GPLD1: variants seen among roughly 807,000 people sequenced by gnomAD.
GPLD1 encodes the protein phosphatidylinositol-glycan-specific phospholipase D.
GPLD1 carries 84 observed loss-of-function variants against 112.6 expected under a neutral mutation model. The ratio of observed to expected loss-of-function variants is 0.75; its 90% CI spans 0.63 to 0.89. The LOEUF (loss-of-function observed/expected upper bound fraction) is 0.89. Among genes scored for constraint, GPLD1 ranks in the 40% least tolerant of loss-of-function variants. The pLI, the probability that GPLD1 is intolerant of heterozygous loss-of-function variation, is 0.00. For missense variants in GPLD1, 1,044 were observed against 1,051.5 expected (o/e 0.99, Z 0.10); for synonymous variants, 386 against 403.8 (o/e 0.96, Z 0.53).
intron 7 of GPLD1, among the ~76,000 whole-genome samples, chr6:24,470,246 A>G (rs115247794): frequency 0.018 from 2,697 of 152,222 alleles, 53 homozygotes; most frequent in African/African-American, 0.051. Flanking sequence ...GCACCATGGA[A>G]TATCACCAAA....
rs950842884 is a variant in GPLD1, at chr6:24,428,609, G to GT, written c.*422dup. The GT allele has an allele frequency of 5.8e-5, 9 of 153,948 alleles. No individual in the cohort carries two copies. The highest frequency in any genetic ancestry group is 2.2e-4 in the African/African-American group (9 of 41,480). The allele number at this position is 153,948 out of a possible 1,614,324, so 9.5% of individuals were successfully genotyped here. ...AACAATTCTTTTTTTAAAAAAGGATGTTTTTAGGAGGAATTGTGTACAGAG... is the reference window on the plus strand; with the variant it reads ...AACAATTCTTTTTTTAAAAAAGGATGTTTTTTAGGAGGAATTGTGTACAGAG... On this transcript the variant is annotated 3_prime_UTR_variant, in exon 25 of 25. Transcript: ENST00000230036.
At chr6:24,472,531 G>C (rs749994137) in intron 7 of GPLD1, 51 bp downstream of exon 7, 2 of 1,001,598 alleles carry the variant, frequency 2.0e-6, no homozygotes, top group African/African-American at 3.2e-5. Flanking sequence ...AAAAAGTCAA[G>C]GCTCTAAATG....
intron 20 of GPLD1, among the ~76,000 whole-genome samples, chr6:24,442,193 G>A (rs1762769386): frequency 6.7e-6 from 1 of 148,908 alleles, no homozygotes; most frequent in Non-Finnish European, 1.5e-5. Context: ...TGTGATCATA[G>A]CTCACTGCAG....
Position 24,473,731 on chromosome 6 carries a change from A to T in GPLD1, c.442-64T>A, listed in dbSNP as rs115647896. 1.7e-3 allele frequency: 1,750 copies of T among 1,051,284 alleles called. 5 individuals are homozygous for T. The highest frequency in any genetic ancestry group is 1.8e-3 in the Non-Finnish European group (1,223 of 686,650). The allele number at this position is 1,051,284 out of a possible 1,614,324, so 65.1% of individuals were successfully genotyped here. On this transcript the variant is annotated intron_variant, in intron 5 of 24. Transcript: ENST00000230036. ...TTGTAGCCCCAACTCTTACTTCCAC[A>T]GTCAAGCAAGTGGTGGGAGATGACA...
At position 24,475,167 on chromosome 6, in the gene GPLD1, C is replaced by T; in HGVS notation, c.395G>A (p.Trp132Ter). ...TCCTTGTTCAAGGCCCAGACTATGC[C>T]AGCTGACATCTGCCGCCATGTGAGA... Reference protein sequence around the residue: ...ITSHMAADVSWHSLGLEQGFL... With the variant: ...ITSHMAADVS The change falls in exon 5 of 25, where the codon TGG (tryptophan) becomes TAG (stop). Residue 132 changes from tryptophan (W) to a stop codon, truncating the protein, a stop_gained. Transcript: ENST00000230036. LOFTEE classifies it high-confidence loss of function. 3 of 1,612,420 alleles carry T rather than the reference C, an allele frequency of 1.9e-6. No individual in the cohort carries two copies. Among genetic ancestry groups the T allele is most frequent in the Non-Finnish European group, 2.5e-6 (3 of 1,178,462 alleles).
chr6:24,487,821 C>T (rs1473124337), intron 1 of GPLD1, among the ~76,000 whole-genome samples: 3 of 152,138 alleles, frequency 2.0e-5, no homozygotes, highest in East Asian at 1.9e-4. Context: ...ATGGAAAGAA[C>T]GCCGGACCAG....
At chr6:24,441,063 G>C (rs1414698073) in intron 20 of GPLD1, among the ~76,000 whole-genome samples, 1 of 152,130 alleles carries the variant, frequency 6.6e-6, no homozygotes, top group Non-Finnish European at 1.5e-5. Context: ...AGCACTGTGG[G>C]AGGCCGAGGC....
chr6:24,472,793 T>C (rs563712278), intron 6 of GPLD1, among the ~76,000 whole-genome samples, 157 bp from the exon 7 acceptor site: 32 of 152,010 alleles, frequency 2.1e-4, no homozygotes, highest in African/African-American at 7.0e-4. Flanking sequence ...TTTTTTTTTT[T>C]AGACGGAGTT....
At chr6:24,495,021 A>G in exon 1 of GPLD1, 1 of 1,335,204 alleles carries the variant, frequency 7.5e-7, no homozygotes, top group Non-Finnish European at 9.6e-7. Flanking sequence ...TTGGCTGCGG[A>G]GCTGTGGGGC....
intron 7 of GPLD1, 25 bp downstream of exon 7, chr6:24,472,557 A>G: frequency 7.1e-7 from 1 of 1,412,332 alleles, no homozygotes; most frequent in South Asian, 1.2e-5. Context: ...TAGATACCAC[A>G]TATTTAGATG....
chr6:24,490,497 T>C (rs1007523933), upstream of GPLD1, among the ~76,000 whole-genome samples: 1 of 152,148 alleles, frequency 6.6e-6, no homozygotes, highest in African/African-American at 2.4e-5. Flanking sequence ...ACACCTGTAA[T>C]CCCAGCACTC....
upstream of GPLD1, among the ~76,000 whole-genome samples, chr6:24,491,767 T>C (rs2744573): frequency 0.23 from 34,549 of 152,112 alleles, 4,446 homozygotes; most frequent in Non-Finnish European, 0.3. Flanking sequence ...TTTCTCATTA[T>C]GCATTTTTTT....
chr6:24,482,017 T>C (rs1764217735), intron 2 of GPLD1, among the ~76,000 whole-genome samples: 1 of 151,960 alleles, frequency 6.6e-6, no homozygotes, highest in South Asian at 2.1e-4. Context: ...TTAAAAATTA[T>C]GCCAAAGAGC....
chr6:24,467,096 A>G lies in GPLD1; in HGVS notation c.653+71T>C. 2.6e-6 allele frequency: 3 copies of G among 1,144,202 alleles called. 1 individual carries two copies. The South Asian group carries it at 3.8e-5, about 14-fold the overall frequency. 70.9% of individuals were successfully genotyped at this position (1,144,202 alleles called of 1,614,324 possible). On this transcript the variant is annotated intron_variant, in intron 8 of 24. Coordinates refer to ENST00000230036, the MANE Select transcript of GPLD1 (RefSeq NM_001503.4). ...AATCCAAAATCCAGTCTCAGGAAAC[A>G]AAAACATAAAAACTGTGCAAAGGAA...
chr6:24,430,629 A>T (rs1272538439), intron 24 of GPLD1, among the ~76,000 whole-genome samples: 1 of 152,182 alleles, frequency 6.6e-6, no homozygotes, highest in Non-Finnish European at 1.5e-5. Flanking sequence ...CCGGATCCTA[A>T]TTCTAGTTTG....
chr6:24,462,041 CTG>C, intron 11 of GPLD1, among the ~76,000 whole-genome samples: 1 of 152,340 alleles, frequency 6.6e-6, no homozygotes, highest in South Asian at 2.1e-4. Context: ...TCTCCCAACA[CTG>C]TCTCATCAAT....
chr6:24,473,595 T>C (rs750632588), intron 6 of GPLD1, 24 bp downstream of exon 6: 16 of 1,514,414 alleles, frequency 1.1e-5, no homozygotes, highest in Non-Finnish European at 1.5e-5. Context: ...ACGAGAAAAT[T>C]TAGCAAATGT....
In GPLD1 at chr6:24,427,571, TCCTGTGGCTC is replaced by T. The variant is rs1762275682; in HGVS notation, c.*1451_*1460del. ...CATTAAGAAAGGATTATCGGCCAGGTCCTGTGGCTCACACATGTAATCCCAGCACTTTGGG... is the reference window on the plus strand; with the variant it reads ...CATTAAGAAAGGATTATCGGCCAGGTACACATGTAATCCCAGCACTTTGGG... On this transcript the variant is annotated 3_prime_UTR_variant, in exon 25 of 25. Transcript: ENST00000230036. 6.6e-6 allele frequency among the ~76,000 whole-genome samples: 1 copy of T among 152,092 alleles called. No individual in the cohort carries two copies. Among genetic ancestry groups the T allele is most frequent in the Non-Finnish European group, 1.5e-5 (1 of 68,012 alleles).
At chr6:24,455,385 A>G (rs1763233731) in intron 13 of GPLD1, among the ~76,000 whole-genome samples, 1 of 152,248 alleles carries the variant, frequency 6.6e-6, no homozygotes, top group African/African-American at 2.4e-5. Flanking sequence ...AAGCCCTGAA[A>G]GGAAGGACTG....
Sources: gnomAD v4.1 joint callset for allele counts (sites outside exome capture counted in the v4.1 genomes callset) on GRCh38, gnomAD v4.1.1 for gene constraint, MANE v1.5 for transcripts, NCBI Gene and HGNC (gene_info 2026-07-23, HGNC 2026-07-21) for gene names.